The following TINAG variants were observed in gnomAD, a reference collection of about 807,000 sequenced individuals.
TINAG encodes tubulointerstitial nephritis antigen.
In TINAG, 83 loss-of-function variants were observed where a neutral mutation model predicts 72.7. The observed-to-expected ratio is 1.14, with a 90% CI of 0.96 to 1.37. The LOEUF (loss-of-function observed/expected upper bound fraction) is 1.37. Among genes scored for constraint, TINAG ranks in the 40% most tolerant of loss-of-function variants. TINAG has a pLI of 0.00. For missense variants in TINAG, 685 were observed against 576.6 expected, an observed-to-expected ratio of 1.19 and a Z score of -1.93; for synonymous variants, 234 against 189.9, an observed-to-expected ratio of 1.23 and a Z score of -1.91.
intron 6 of TINAG, among the ~76,000 whole-genome samples, chr6:54,348,781 T>C (rs1785191029): frequency 6.6e-6 from 1 of 152,166 alleles, no homozygotes; most frequent in Admixed American, 6.6e-5. Context: ...ACAGCACTCA[T>C]CATTTAATAC....
chr6:54,310,922 T>G (rs576803914), intron 1 of TINAG, among the ~76,000 whole-genome samples: 1 of 151,032 alleles, frequency 6.6e-6, no homozygotes, highest in Admixed American at 6.6e-5. Flanking sequence ...TCTCTCCCAC[T>G]TTCCCTCTTT....
At chr6:54,327,051 A>G (rs1784620914) in intron 4 of TINAG, 135 bp downstream of exon 4, 8 of 1,540,566 alleles carry the variant, frequency 5.2e-6, no homozygotes, top group Non-Finnish European at 7.0e-6. Flanking sequence ...TAAATAAAAA[A>G]CCCTTTCCCT....
intron 9 of TINAG, among the ~76,000 whole-genome samples, chr6:54,360,734 CT>C (rs1763199865): frequency 6.7e-6 from 1 of 149,388 alleles, no homozygotes; most frequent in Non-Finnish European, 1.5e-5. Context: ...TAAACATTGA[CT>C]TTTTTTCATC....
At chr6:54,388,988 T>C (rs567141013) in intron 10 of TINAG, among the ~76,000 whole-genome samples, 1 of 152,260 alleles carries the variant, frequency 6.6e-6, no homozygotes, top group South Asian at 2.1e-4. Context: ...GTAATCACAG[T>C]ATGAATTTGC....
At chr6:54,321,466 A>G in intron 3 of TINAG, 80 bp downstream of exon 3, 1 of 960,440 alleles carries the variant, frequency 1.0e-6, no homozygotes, top group Non-Finnish European at 1.6e-6. Flanking sequence ...GGTTTCTATA[A>G]ATGGTCATTG....
At chr6:54,389,753 A>G in intron 10 of TINAG, 38 bp from the exon 11 acceptor site, 5 of 1,558,514 alleles carry the variant, frequency 3.2e-6, no homozygotes, top group Non-Finnish European at 4.3e-6. Flanking sequence ...ATACCAAAGT[A>G]TGTTTCTCAA....
chr6:54,351,623 A>G (rs1785269462), intron 8 of TINAG, among the ~76,000 whole-genome samples: 1 of 151,902 alleles, frequency 6.6e-6, no homozygotes, highest in Non-Finnish European at 1.5e-5. Flanking sequence ...TATAAATTGA[A>G]CTCTTAAAAA....
chr6:54,359,265 C>T (rs1763153062), intron 9 of TINAG, among the ~76,000 whole-genome samples: 1 of 151,710 alleles, frequency 6.6e-6, no homozygotes, highest in Non-Finnish European at 1.5e-5. Context: ...CCAGTAAGTT[C>T]AAAAGTCTAA....
intron 1 of TINAG, among the ~76,000 whole-genome samples, chr6:54,312,043 C>CT (rs888737025): frequency 8.6e-5 from 13 of 150,630 alleles, no homozygotes; most frequent in African/African-American, 1.5e-4. Context: ...TTTTGTATTG[C>CT]TTTTTTTTTG....
intron 1 of TINAG, 26 bp downstream of exon 1, chr6:54,308,931 A>C: frequency 1.3e-6 from 2 of 1,544,884 alleles, no homozygotes; most frequent in South Asian, 2.4e-5. Context: ...GTGTTTCAAC[A>C]TCATCCTCGT....
At chr6:54,357,846 G>A (rs1327662753) in intron 9 of TINAG, among the ~76,000 whole-genome samples, 6 of 151,892 alleles carry the variant, frequency 4.0e-5, no homozygotes, top group African/African-American at 1.4e-4. Flanking sequence ...TTTCCTTTTA[G>A]AACTTTAGAT....
Position 54,349,645 on chromosome 6 carries a change from G to T in TINAG, c.900-71G>T, listed in dbSNP as rs1254267774. On this transcript the variant is annotated intron_variant, in intron 6 of 10. Coordinates refer to ENST00000259782, the MANE Select transcript of TINAG (RefSeq NM_014464.4). ...AATTTATGAATGTTTAATTCAGTAA[G>T]ATTAAATATAAAAAGGATATTACGA... 4 of 1,302,244 alleles carry T rather than the reference G, an allele frequency of 3.1e-6. No individual in the cohort carries two copies. In the African/African-American group the frequency reaches 4.5e-5, roughly 15 times the overall value. 80.7% of individuals were successfully genotyped at this position (1,302,244 alleles called of 1,614,324 possible).
rs371755130 is a variant in TINAG at position 54,378,119 on chromosome 6, C to T, written c.1251-2407C>T. On this transcript the variant is annotated intron_variant, in intron 9 of 10. Coordinates refer to ENST00000259782, the MANE Select transcript of TINAG (RefSeq NM_014464.4). ...AATGGACTTTGCTTGTCATTTGACA[C>T]AGAGGCTGTAACATAGGTGAACTAA... Among the ~76,000 whole-genome samples, 18 of 152,262 alleles carry T rather than the reference C, an allele frequency of 1.2e-4. No individual in the cohort carries two copies. In the South Asian group the frequency reaches 3.1e-3, roughly 26 times the overall value.
intron 9 of TINAG, among the ~76,000 whole-genome samples, chr6:54,360,859 T>TTTTTG (rs1562173216): frequency 6.5e-4 from 83 of 128,036 alleles, no homozygotes; most frequent in African/African-American, 2.7e-3. Context: ...TTTTTTTTTT[T>TTTTTG]TTTTTTTTTT....
At chr6:54,331,315 A>G (rs181769830) in intron 4 of TINAG, among the ~76,000 whole-genome samples, 41 of 152,310 alleles carry the variant, frequency 2.7e-4, no homozygotes, top group African/African-American at 9.6e-4. Context: ...ATCCAAATCT[A>G]TAAATGTAAT....
chr6:54,308,404 A>G (rs896515858), upstream of TINAG: 9 of 666,430 alleles, frequency 1.4e-5, no homozygotes, highest in African/African-American at 1.6e-4. Flanking sequence ...TTTAACTATG[A>G]GAAGTATACT....
intron 9 of TINAG, among the ~76,000 whole-genome samples, chr6:54,358,790 G>T (rs193213919): frequency 1.3e-5 from 2 of 151,882 alleles, no homozygotes; most frequent in African/African-American, 2.4e-5. Flanking sequence ...GGGCTGGCCT[G>T]GACTTTGGCA....
intron 1 of TINAG, among the ~76,000 whole-genome samples, chr6:54,317,063 T>C (rs990088833): frequency 2.6e-5 from 4 of 152,122 alleles, no homozygotes; most frequent in African/African-American, 9.7e-5. Context: ...AGACATATTT[T>C]ACTGAGAAAG....
intron 9 of TINAG, among the ~76,000 whole-genome samples, chr6:54,372,747 TATATATATATATATA>T (rs1214896413): frequency 1.1e-3 from 12 of 10,778 alleles, no homozygotes; most frequent in African/African-American, 2.6e-3. Context: ...TATATATATA[TATATATATATATATA>T]TATATATATA....
Sources: gnomAD v4.1 joint callset for allele counts (sites outside exome capture counted in the v4.1 genomes callset) on GRCh38, gnomAD v4.1.1 for gene constraint, MANE v1.5 for transcripts, NCBI Gene and HGNC (gene_info 2026-07-23, HGNC 2026-07-21) for gene names.